The following PCED1B variants were observed in gnomAD, a reference collection of about 807,000 sequenced individuals.
PCED1B encodes PC-esterase domain-containing protein 1B.
For missense variants in PCED1B, 573 were observed against 573.9 expected (o/e 1.00, Z 0.02); for synonymous variants, 251 against 246.1 (o/e 1.02, Z -0.19).
At chr12:47,170,991 C>CT (rs1565580527) in intron 2 of PCED1B, among the ~76,000 whole-genome samples, 1 of 150,614 alleles carries the variant, frequency 6.6e-6, no homozygotes, top group African/African-American at 2.4e-5. Flanking sequence ...CCAAATCACT[C>CT]TTTTTTTCAC....
At chr12:47,134,799 C>T (rs1384457346) in intron 2 of PCED1B, among the ~76,000 whole-genome samples, 1 of 152,204 alleles carries the variant, frequency 6.6e-6, no homozygotes, top group South Asian at 2.1e-4. Flanking sequence ...ACCCCAGAGG[C>T]AGAGCTTGCA....
At position 47,194,549 on chromosome 12, in the gene PCED1B, CAA is replaced by C. The variant is rs576792692; in HGVS notation, c.-525-21672_-525-21671del. On this transcript the variant is annotated intron_variant, in intron 2 of 3. Coordinates refer to ENST00000546455, the MANE Select transcript of PCED1B (RefSeq NM_138371.3). The stretch of plus-strand genomic sequence containing the variant: ...CTTTGATAGCTACTTATTGCAAACA[CAA>C]GAGAAATTTCCTTAGTGTAAAGAAA... Among the ~76,000 whole-genome samples, 507 of 152,304 alleles carry C rather than the reference CAA, an allele frequency of 3.3e-3. 1 individual carries two copies. The highest frequency in any genetic ancestry group is 5.5e-3 in the Non-Finnish European group (374 of 68,028).
chr12:47,087,912 C>A (rs1938066039), intron 1 of PCED1B, among the ~76,000 whole-genome samples: 1 of 152,130 alleles, frequency 6.6e-6, no homozygotes, highest in South Asian at 2.1e-4. Flanking sequence ...CCTGCACATA[C>A]CAAGGAACTG....
intron 2 of PCED1B, among the ~76,000 whole-genome samples, chr12:47,162,695 G>A (rs1941425590): frequency 6.6e-6 from 1 of 152,102 alleles, no homozygotes; most frequent in Non-Finnish European, 1.5e-5. Context: ...TTAACAAGCA[G>A]ATCTTATGGT....
rs74828461 is a variant in PCED1B at position 47,098,317 on chromosome 12, G to A, written c.-608-5796G>A. Among the ~76,000 whole-genome samples, 462 of 152,310 alleles carry A rather than the reference G, an allele frequency of 3.0e-3. 4 individuals are homozygous for A. Among genetic ancestry groups the A allele is most frequent in the African/African-American group, 0.011 (441 of 41,568 alleles). Reference sequence around the variant, plus strand: ...TGAGAGCTCCCAACCAGCGAGGGCTGAGGTTGGTGCCAGTGCAAGCCAAAG... The same window carrying A: ...TGAGAGCTCCCAACCAGCGAGGGCTAAGGTTGGTGCCAGTGCAAGCCAAAG... On this transcript the variant is annotated intron_variant, in intron 1 of 3. Coordinates refer to ENST00000546455, the MANE Select transcript of PCED1B (RefSeq NM_138371.3).
At chr12:47,110,237 T>C (rs954281454) in intron 2 of PCED1B, among the ~76,000 whole-genome samples, 7 of 152,144 alleles carry the variant, frequency 4.6e-5, no homozygotes, top group Non-Finnish European at 1.5e-5. Flanking sequence ...AAATCACTAA[T>C]CCAGAGGACA....
At chr12:47,218,862 G>A (rs1029101946) in intron 3 of PCED1B, among the ~76,000 whole-genome samples, 20 of 151,974 alleles carry the variant, frequency 1.3e-4, no homozygotes, top group African/African-American at 4.8e-4. Flanking sequence ...GGCCGCCTGT[G>A]GAAAAAGGTG....
intron 2 of PCED1B, among the ~76,000 whole-genome samples, chr12:47,201,442 C>T (rs1942760757): frequency 6.6e-6 from 1 of 152,004 alleles, no homozygotes; most frequent in African/African-American, 2.4e-5. Flanking sequence ...GTCTGTCTGG[C>T]TCTCTTAGCT....
At chr12:47,095,034 G>A (rs1271639720) in intron 1 of PCED1B, among the ~76,000 whole-genome samples, 1 of 149,516 alleles carries the variant, frequency 6.7e-6, no homozygotes, top group Non-Finnish European at 1.5e-5. Flanking sequence ...GGCTTCCTGA[G>A]TAGCTGGGAC....
At chr12:47,148,488 G>A (rs1940872189) in intron 2 of PCED1B, among the ~76,000 whole-genome samples, 1 of 152,194 alleles carries the variant, frequency 6.6e-6, no homozygotes, top group South Asian at 2.1e-4. Flanking sequence ...AAAGGTATCT[G>A]CTATAGCAAA....
chr12:47,102,811 G>T (rs1938770066), intron 1 of PCED1B, among the ~76,000 whole-genome samples: 1 of 152,154 alleles, frequency 6.6e-6, no homozygotes, highest in South Asian at 2.1e-4. Flanking sequence ...TATTGTTCAA[G>T]AAATAGGTAA....
chr12:47,187,165 C>A (rs1027546030), intron 2 of PCED1B, among the ~76,000 whole-genome samples: 1 of 152,170 alleles, frequency 6.6e-6, no homozygotes. Context: ...CAAAACAGAT[C>A]TTTACCTTCT....
At chr12:47,163,793 T>G (rs983943453) in intron 2 of PCED1B, among the ~76,000 whole-genome samples, 1 of 152,192 alleles carries the variant, frequency 6.6e-6, no homozygotes, top group African/African-American at 2.4e-5. Flanking sequence ...GTTGTGAGGT[T>G]CAACAACATA....
chr12:47,151,275 T>G (rs1186450131), intron 2 of PCED1B, among the ~76,000 whole-genome samples: 1 of 152,162 alleles, frequency 6.6e-6, no homozygotes, highest in East Asian at 1.9e-4. Flanking sequence ...TTTCTACATT[T>G]AAATATATTT....
intron 2 of PCED1B, among the ~76,000 whole-genome samples, chr12:47,197,722 C>T (rs1565596024): frequency 6.6e-6 from 1 of 151,918 alleles, no homozygotes; most frequent in African/African-American, 2.4e-5. Context: ...TTGTTACTGA[C>T]TCCATGGACA....
At chr12:47,182,813 T>C (rs1029289636) in intron 2 of PCED1B, among the ~76,000 whole-genome samples, 4 of 152,046 alleles carry the variant, frequency 2.6e-5, no homozygotes, top group Non-Finnish European at 4.4e-5. Context: ...TAGCTCTCAC[T>C]CGCCACACCA....
chr12:47,101,361 C>G (rs1938698512), intron 1 of PCED1B, among the ~76,000 whole-genome samples: 1 of 152,146 alleles, frequency 6.6e-6, no homozygotes, highest in African/African-American at 2.4e-5. Context: ...GTGAAGCTGT[C>G]ACTTACTGGG....
intron 2 of PCED1B, among the ~76,000 whole-genome samples, chr12:47,115,211 A>T (rs2137279417): frequency 6.6e-6 from 1 of 152,272 alleles, no homozygotes; most frequent in Non-Finnish European, 1.5e-5. Context: ...TTCAATCCTG[A>T]TACTAATGGT....
At position 47,236,058 on chromosome 12, in the gene PCED1B, G is replaced by A. The variant is rs759220333; in HGVS notation, c.995G>A (p.Arg332Gln). The A allele has an allele frequency of 2.2e-5, 36 of 1,613,470 alleles. No homozygotes were observed. The highest frequency in any genetic ancestry group is 3.1e-5 in the Non-Finnish European group (36 of 1,179,950). ...PPILHHQGMPRFPQGPPDACF... is the reference protein window; with the variant it reads ...PPILHHQGMPQFPQGPPDACF... The stretch of plus-strand genomic sequence containing the variant: ...ATTCTCCATCACCAGGGAATGCCCC[G>A]GTTCCCACAGGGTCCCCCAGATGCC... The change falls in exon 4 of 4, where the codon CGG (arginine) becomes CAG (glutamine). Residue 332 changes from arginine to glutamine, a missense_variant. Transcript: ENST00000546455.
Sources: allele counts gnomAD v4.1 joint callset (sites outside exome capture counted in the v4.1 genomes callset), GRCh38; gene constraint gnomAD v4.1.1; transcripts MANE v1.5; gene names NCBI Gene and HGNC (gene_info 2026-07-23, HGNC 2026-07-21).